The following CDH12 variants were observed in gnomAD, a reference collection of about 807,000 sequenced individuals.
CDH12 encodes the protein cadherin 12.
A neutral mutation model predicts 74.1 loss-of-function variants in CDH12; 41 were observed. The observed-to-expected ratio is 0.55, with a 90% CI of 0.43 to 0.72. The LOEUF is 0.72. CDH12 is among the 30% of genes least tolerant of loss of function. The pLI is 0.00. For synonymous variants in CDH12, 399 were observed against 355.0 expected, an observed-to-expected ratio of 1.12 and a Z score of -1.39; for missense variants, 945 against 977.2, an observed-to-expected ratio of 0.97 and a Z score of 0.44.
chr5:22,102,237 G>A (rs1019722042), intron 4 of CDH12, among the ~76,000 whole-genome samples: 5 of 152,178 alleles, frequency 3.3e-5, no homozygotes, highest in African/African-American at 9.6e-5. Flanking sequence ...ACATTATGAC[G>A]TCCAGAGAGC....
chr5:22,529,043 A>G (rs1307611276), intron 1 of CDH12, among the ~76,000 whole-genome samples: 2 of 151,412 alleles, frequency 1.3e-5, no homozygotes, highest in Admixed American at 6.6e-5. Flanking sequence ...ATGCATATAT[A>G]TGCATATACA....
At chr5:22,167,595 C>T (rs1167180887) in intron 4 of CDH12, among the ~76,000 whole-genome samples, 2 of 152,224 alleles carry the variant, frequency 1.3e-5, no homozygotes, top group East Asian at 1.9e-4. Flanking sequence ...GAGAAAAGAA[C>T]GCATAGCCAT....
intron 1 of CDH12, among the ~76,000 whole-genome samples, chr5:22,778,122 G>A (rs1433507434): frequency 1.3e-5 from 2 of 151,910 alleles, no homozygotes; most frequent in Non-Finnish European, 2.9e-5. Context: ...ACATTTTTTT[G>A]TTTATAAGTC....
chr5:21,924,781 T>C (rs1038503067), intron 6 of CDH12, among the ~76,000 whole-genome samples: 23 of 152,194 alleles, frequency 1.5e-4, no homozygotes, highest in African/African-American at 5.5e-4. Flanking sequence ...AAAATTTTGC[T>C]TAGAACACTT....
At chr5:22,461,030 C>CTTTTTTTT (rs34555692) in intron 2 of CDH12, among the ~76,000 whole-genome samples, 4 of 63,562 alleles carry the variant, frequency 6.3e-5, no homozygotes, top group African/African-American at 6.5e-5. Context: ...CAATGTCTAG[C>CTTTTTTTT]TTTTTTTTTT....
At chr5:21,840,320 A>G (rs1010526128) in intron 8 of CDH12, among the ~76,000 whole-genome samples, 7 of 152,144 alleles carry the variant, frequency 4.6e-5, no homozygotes, top group Non-Finnish European at 1.0e-4. Context: ...ATGTTACTTT[A>G]ATAAAAATTG....
chr5:22,348,635 T>C (rs1331204191), intron 3 of CDH12, among the ~76,000 whole-genome samples: 1 of 152,216 alleles, frequency 6.6e-6, no homozygotes, highest in Non-Finnish European at 1.5e-5. Flanking sequence ...AAAACATTAC[T>C]CTGGGACTTG....
intron 4 of CDH12, among the ~76,000 whole-genome samples, chr5:22,150,378 A>C (rs1461478402): frequency 3.4e-4 from 52 of 152,148 alleles, no homozygotes; most frequent in Non-Finnish European, 2.9e-5. Flanking sequence ...AGTCAAGTGC[A>C]TAATATAATA....
At chr5:22,465,813 CCATGTCCAT>C (rs1745704004) in intron 2 of CDH12, among the ~76,000 whole-genome samples, 4 of 152,180 alleles carry the variant, frequency 2.6e-5, no homozygotes, top group Admixed American at 6.5e-5. Context: ...CCATTGCTCA[CCATGTCCAT>C]CACTGTCACC....
chr5:21,803,358 A>G (rs1219916473), intron 9 of CDH12, among the ~76,000 whole-genome samples: 1 of 152,078 alleles, frequency 6.6e-6, no homozygotes, highest in African/African-American at 2.4e-5. Context: ...TGTTCTCAGA[A>G]CTGTATATAT....
intron 1 of CDH12, among the ~76,000 whole-genome samples, chr5:22,633,263 A>G (rs1366819042): frequency 6.6e-6 from 1 of 152,188 alleles, no homozygotes; most frequent in Non-Finnish European, 1.5e-5. Flanking sequence ...ATAATAAAGA[A>G]TCAGGTGAAG....
intron 1 of CDH12, among the ~76,000 whole-genome samples, chr5:22,785,902 G>A (rs112767389): frequency 5.6e-4 from 85 of 152,218 alleles, no homozygotes; most frequent in African/African-American, 1.7e-3. Context: ...TGGAAAAGAC[G>A]TGGCAATTCT....
intron 1 of CDH12, among the ~76,000 whole-genome samples, chr5:22,792,562 C>T (rs1477328014): frequency 1.3e-5 from 2 of 152,216 alleles, no homozygotes; most frequent in South Asian, 2.1e-4. Flanking sequence ...TTGGCATACA[C>T]GTATATGGTG....
At chr5:22,142,401 A>T (rs1437486114) in intron 4 of CDH12, 2 of 535,466 alleles carry the variant, frequency 3.7e-6, no homozygotes, top group Non-Finnish European at 7.2e-6. Context: ...AAGAAAAAAC[A>T]TAATTTCTTA....
chr5:21,854,590 G>GCAAC (rs1181220682), intron 7 of CDH12, 81 bp downstream of exon 7: 11 of 1,159,260 alleles, frequency 9.5e-6, no homozygotes, highest in Non-Finnish European at 1.4e-5. Context: ...ATTAGAATAT[G>GCAAC]CAACTCCCCA....
intron 4 of CDH12, among the ~76,000 whole-genome samples, chr5:22,104,528 G>C (rs1744319872): frequency 6.6e-6 from 1 of 152,106 alleles, no homozygotes; most frequent in South Asian, 2.1e-4. Flanking sequence ...TTATTAGCAG[G>C]GATATCCCTG....
At chr5:22,576,586 A>T (rs907740142) in intron 1 of CDH12, among the ~76,000 whole-genome samples, 3 of 152,192 alleles carry the variant, frequency 2.0e-5, no homozygotes, top group Non-Finnish European at 4.4e-5. Context: ...CAGCCTTAAC[A>T]CTGAAAGAAC....
At chr5:22,324,093 A>G (rs1429670069) in intron 3 of CDH12, among the ~76,000 whole-genome samples, 1 of 152,170 alleles carries the variant, frequency 6.6e-6, no homozygotes, top group Non-Finnish European at 1.5e-5. Context: ...CTTCAGCACA[A>G]TGAACAAAAT....
chr5:22,803,418 G>A (rs566025590), intron 1 of CDH12, among the ~76,000 whole-genome samples: 112 of 152,140 alleles, frequency 7.4e-4, no homozygotes, highest in African/African-American at 2.6e-3. Context: ...GAAACTACAA[G>A]GATTACTGAT....
Sources: gnomAD v4.1 joint callset for allele counts (sites outside exome capture counted in the v4.1 genomes callset) on GRCh38, gnomAD v4.1.1 for gene constraint, MANE v1.5 for transcripts, NCBI Gene and HGNC (gene_info 2026-07-23, HGNC 2026-07-21) for gene names.